Variants in PDLIM2 observed in about 807,000 individuals in gnomAD.
PDLIM2 encodes the protein PDZ and LIM domain protein 2.
In PDLIM2, 51 loss-of-function variants were observed where a neutral mutation model predicts 54.1. The ratio of observed to expected loss-of-function variants is 0.94; its 90% CI spans 0.75 to 1.19. PDLIM2 has a LOEUF of 1.19. Ranked by LOEUF, PDLIM2 falls within the 50% of genes most tolerant of loss-of-function variation. The pLI is 0.00. For synonymous variants in PDLIM2, 398 were observed against 385.6 expected (o/e 1.03, Z -0.38); for missense variants, 912 against 874.0 (o/e 1.04, Z -0.55).
In PDLIM2 at chr8:22,579,504, C is replaced by T. The variant is rs755893314; in HGVS notation, c.725C>T (p.Ala242Val). The stretch of plus-strand genomic sequence containing the variant: ...GCACCTCCCCGCGGCGCCCGCAGCG[C>T]GGAGTCCACTGACCGGCTCAAAGGT... The change falls in exon 1 of 10, where the codon GCG becomes GTG. Residue 242 changes from alanine to valine, a missense_variant. Transcript: ENST00000308354. 4.6e-6 allele frequency: 7 copies of T among 1,509,672 alleles called. No individual in the cohort carries two copies. Among genetic ancestry groups the T allele is most frequent in the Non-Finnish European group, 4.4e-6 (5 of 1,135,306 alleles). The allele number at this position is 1,509,672 out of a possible 1,614,324, so 93.5% of individuals were successfully genotyped here. A position where few individuals can be genotyped will look rare whatever the true frequency, so the allele number is the denominator to read the frequency against.
At position 22,585,310 on chromosome 8, in the gene PDLIM2, C is replaced by T. The variant is rs528257378; in HGVS notation, c.1212-11C>T. 8.7e-6 allele frequency: 14 copies of T among 1,612,918 alleles called. No individual in the cohort carries two copies. The African/African-American group carries it at 1.3e-4, about 15-fold the overall frequency. On this transcript the variant is annotated splice_polypyrimidine_tract_variant and intron_variant, in intron 5 of 9. Transcript: ENST00000308354. ...TGGCCCTGGCACACACTGTCCCTTT[C>T]CCACTTTCAGCTTCCAGAGTCTGGC...
At position 22,594,229 on chromosome 8, in the gene PDLIM2, G is replaced by A. The variant is rs543783375; in HGVS notation, c.*319G>A. 7 of 1,396,150 alleles carry A rather than the reference G, an allele frequency of 5.0e-6. No individual in the cohort carries two copies. The East Asian group carries it at 1.9e-4, about 39-fold the overall frequency. The allele number at this position is 1,396,150 out of a possible 1,614,324, so 86.5% of individuals were successfully genotyped here. A position where few individuals can be genotyped will look rare whatever the true frequency, so the allele number is the denominator to read the frequency against. On this transcript the variant is annotated 3_prime_UTR_variant, in exon 10 of 10. Transcript: ENST00000308354. ...TGGGAAGGAGAGGGGTGGGCCAGGG[G>A]CTAATGGTGTCACTGTGTAAAGTTT...
Position 22,580,609 on chromosome 8 carries a change from C to CGTTGA in PDLIM2, c.756_760dup (p.Thr254SerfsTer2). On this transcript the variant is annotated frameshift_variant, in exon 2 of 10. Transcript: ENST00000308354. LOFTEE classifies it high-confidence loss of function. ...CTGGTCCTCTCTTCCTCAGGTATGG[C>CGTTGA]GTTGACGGTGGATGTGGCCGGGCCA... 6.2e-7 allele frequency: 1 copy of CGTTGA among 1,613,968 alleles called. No individual in the cohort carries two copies. Among genetic ancestry groups the CGTTGA allele is most frequent in the Non-Finnish European group, 8.5e-7 (1 of 1,179,982 alleles).
chr8:22,597,349 T>C (rs1800702367), downstream of PDLIM2: 1 of 152,202 alleles, frequency 6.6e-6, no homozygotes, highest in Admixed American at 6.5e-5. Flanking sequence ...TCCCCCTACT[T>C]TGGGTGTTGG....
At chr8:22,584,259 C>T (rs1800303071) in intron 3 of PDLIM2, among the ~76,000 whole-genome samples, 1 of 151,770 alleles carries the variant, frequency 6.6e-6, no homozygotes, top group Non-Finnish European at 1.5e-5. Context: ...AGAGATTCAC[C>T]CTCCTTGGCC....
chr8:22,586,856 C>G (rs1308618699), intron 6 of PDLIM2, among the ~76,000 whole-genome samples: 2 of 152,158 alleles, frequency 1.3e-5, no homozygotes, highest in African/African-American at 4.8e-5. Flanking sequence ...GTTGGAAATG[C>G]AACTTCCCAG....
intron 8 of PDLIM2, chr8:22,591,316 C>A (rs1800539302): frequency 1.7e-6 from 1 of 579,248 alleles, no homozygotes; most frequent in Non-Finnish European, 3.1e-6. Flanking sequence ...GCACAGATGG[C>A]CCCAGGTGGC....
intron 6 of PDLIM2, 103 bp from the exon 6 acceptor site, chr8:22,589,195 G>T: frequency 1.6e-6 from 2 of 1,285,476 alleles, no homozygotes; most frequent in Non-Finnish European, 2.2e-6. Flanking sequence ...GAGGGCCGGG[G>T]GCCCCCTGGT....
chr8:22,585,253 C>T (rs544586827), intron 5 of PDLIM2, 68 bp from the exon 5 acceptor site: 607 of 1,600,742 alleles, frequency 3.8e-4, no homozygotes, highest in Admixed American at 8.6e-4. Flanking sequence ...CTTGGGAGCC[C>T]GGGGCAGCAT....
intron 9 of PDLIM2, chr8:22,592,130 G>T (rs1435660979): frequency 7.2e-6 from 1 of 139,736 alleles, no homozygotes; most frequent in South Asian, 2.2e-4. Context: ...TGCCCAGGCA[G>T]GAGTGCAGTG....
chr8:22,579,520 G>T, exon 1 of PDLIM2: 1 of 1,490,962 alleles, frequency 6.7e-7, no homozygotes, highest in Non-Finnish European at 8.9e-7. Context: ...CCACTGACCG[G>T]CTCAAAGGTC....
exon 10 of PDLIM2, chr8:22,594,192 C>G: frequency 1.4e-6 from 2 of 1,403,136 alleles, no homozygotes; most frequent in Non-Finnish European, 1.8e-6. Context: ...TAAGTAGGGT[C>G]GAACACAGAA....
In PDLIM2 at chr8:22,581,443, AC is replaced by A; in HGVS notation, c.909del (p.Asn303LysfsTer56). 6.2e-7 allele frequency: 1 copy of A among 1,608,686 alleles called. No homozygotes were observed. The highest frequency in any genetic ancestry group is 1.1e-5 in the South Asian group (1 of 90,344). ...CCTGGAGACATAATCGTGGCCATCA[AC>A]GGGGAAAGCGCGGAGGGCATGCTGC... On this transcript the variant is annotated frameshift_variant, in exon 3 of 10. Transcript: ENST00000308354. LOFTEE classifies it high-confidence loss of function.
chr8:22,591,842 T>C, intron 9 of PDLIM2, 174 bp downstream of exon 8: 1 of 573,460 alleles, frequency 1.7e-6, no homozygotes, highest in Non-Finnish European at 3.0e-6. Context: ...GTTACAGGCT[T>C]CTTAGGAGCC....
At chr8:22,583,491 C>T (rs1175861927) in intron 3 of PDLIM2, among the ~76,000 whole-genome samples, 5 of 152,126 alleles carry the variant, frequency 3.3e-5, no homozygotes, top group Middle Eastern at 3.2e-3. Flanking sequence ...TCAGGCCGGG[C>T]GCAGTGGCTC....
At chr8:22,583,597 C>A (rs1406649732) in intron 3 of PDLIM2, among the ~76,000 whole-genome samples, 3 of 152,006 alleles carry the variant, frequency 2.0e-5, no homozygotes, top group Non-Finnish European at 4.4e-5. Flanking sequence ...GAAACCCCGT[C>A]TCTACTGAAA....
chr8:22,581,641 T>C, intron 3 of PDLIM2, 111 bp downstream of exon 2: 1 of 1,377,496 alleles, frequency 7.3e-7, no homozygotes, highest in South Asian at 1.5e-5. Flanking sequence ...TAAAGCGGCC[T>C]TCTTGGGCCC....
intron 3 of PDLIM2, among the ~76,000 whole-genome samples, chr8:22,582,502 G>T (rs1800235713): frequency 6.6e-6 from 1 of 152,024 alleles, no homozygotes; most frequent in Admixed American, 6.5e-5. Flanking sequence ...AGGGACCAGG[G>T]CTCGGGGGAG....
chr8:22,584,632 AC>A (rs1800318673), intron 3 of PDLIM2, among the ~76,000 whole-genome samples, 188 bp from the exon 3 acceptor site: 1 of 152,242 alleles, frequency 6.6e-6, no homozygotes, highest in Admixed American at 6.5e-5. Flanking sequence ...CTTTTAAGGA[AC>A]CATGGTTGTC....
Sources: gnomAD v4.1 joint callset for allele counts (sites outside exome capture counted in the v4.1 genomes callset) on GRCh38, gnomAD v4.1.1 for gene constraint, MANE v1.5 for transcripts, NCBI Gene and HGNC (gene_info 2026-07-23, HGNC 2026-07-21) for gene names.